Variants in GUCD1 observed in about 807,000 individuals in gnomAD.
GUCD1 encodes protein GUCD1.
A neutral mutation model predicts 28.3 loss-of-function variants in GUCD1; 17 were observed. The observed-to-expected ratio is 0.60, with a 90% CI of 0.41 to 0.90. GUCD1 has a LOEUF of 0.90. GUCD1 is among the 40% of genes least tolerant of loss of function. GUCD1 has a pLI of 0.00. For synonymous variants in GUCD1, 129 were observed against 123.3 expected (o/e 1.05, Z -0.30); for missense variants, 279 against 305.5 (o/e 0.91, Z 0.65).
chr22:24,547,844 G>A, intron 3 of GUCD1, 64 bp downstream of exon 3: 1 of 1,555,072 alleles, frequency 6.4e-7, no homozygotes, highest in Non-Finnish European at 8.8e-7. Context: ...CCAACTACTG[G>A]AACCAGGTGG....
chr22:24,547,822 C>A, intron 3 of GUCD1, 86 bp downstream of exon 3: 1 of 1,430,430 alleles, frequency 7.0e-7, no homozygotes, highest in African/African-American at 1.4e-5. Flanking sequence ...TAGCCCTTGA[C>A]TGTTCCCTCT....
At chr22:24,543,150 T>G in intron 5 of GUCD1, 53 bp from the exon 6 acceptor site, 1 of 1,268,886 alleles carries the variant, frequency 7.9e-7, no homozygotes, top group Non-Finnish European at 1.2e-6. Context: ...AGAGAGCACC[T>G]ACACCACCGA....
chr22:24,544,101 G>T lies in GUCD1; in HGVS notation c.387-18C>A. 4 of 1,595,176 alleles carry T rather than the reference G, an allele frequency of 2.5e-6. No homozygotes were observed. Among genetic ancestry groups the T allele is most frequent in the Non-Finnish European group, 3.4e-6 (4 of 1,164,858 alleles). ...TCACTGTGCTGTGGGCGGGAGGGGGGTCAGCTGGTGCTGCTGGGCCCCCAT... is the reference window on the plus strand; with the variant it reads ...TCACTGTGCTGTGGGCGGGAGGGGGTTCAGCTGGTGCTGCTGGGCCCCCAT... On this transcript the variant is annotated intron_variant, in intron 4 of 5. Coordinates refer to ENST00000435822, the MANE Select transcript of GUCD1 (RefSeq NM_001284254.2).
rs1203448376 is a variant in GUCD1, at chr22:24,541,587, C to G, written c.*1419G>C. ...GAGGTTGTAGTAAGCCAAGATCGTG[C>G]CACTGCACTCCAGTCTGGGCAACAG... is the stretch of plus-strand genomic sequence containing the variant. On this transcript the variant is annotated 3_prime_UTR_variant, in exon 6 of 6. Coordinates refer to ENST00000435822, the MANE Select transcript of GUCD1 (RefSeq NM_001284254.2). The G allele has an allele frequency of 6.6e-6, 1 of 151,480 alleles. No homozygotes were observed. Among genetic ancestry groups the G allele is most frequent in the African/African-American group, 2.4e-5 (1 of 41,178 alleles). 9.4% of individuals were successfully genotyped at this position (151,480 alleles called of 1,614,324 possible).
At position 24,547,997 on chromosome 22, in the gene GUCD1, T is replaced by C; in HGVS notation, c.205A>G (p.Ile69Val). 1 of 1,614,154 alleles carries C rather than the reference T, an allele frequency of 6.2e-7. No homozygotes were observed. The highest frequency in any genetic ancestry group is 8.5e-7 in the Non-Finnish European group (1 of 1,179,992). Residue 69 changes from isoleucine (I) to valine (V), a missense_variant, in exon 3 of 6, where the codon ATC becomes GTC. Coordinates refer to ENST00000435822, the MANE Select transcript of GUCD1 (RefSeq NM_001284254.2). ...TGGTGCATCAGGTAGGCCAGGTCGA[T>C]GGTCCAGATGCTCCTGGTCAGCTGC... ...KLQLTRSIWTIDLAYLMHHFG... is the reference protein window; with the variant it reads ...KLQLTRSIWTVDLAYLMHHFG...
At chr22:24,546,783 C>T in intron 4 of GUCD1, 131 bp downstream of exon 4, 1 of 775,136 alleles carries the variant, frequency 1.3e-6, no homozygotes, top group African/African-American at 1.7e-5. Context: ...CCCACAGCCA[C>T]CCGGGTAGCC....
At chr22:24,545,823 CCTCG>C (rs2044711044) in intron 4 of GUCD1, among the ~76,000 whole-genome samples, 1 of 151,836 alleles carries the variant, frequency 6.6e-6, no homozygotes, top group Admixed American at 6.6e-5. Flanking sequence ...GATCTCCTAA[CCTCG>C]TGATCCGCCC....
At chr22:24,545,031 A>G (rs531263349) in intron 4 of GUCD1, among the ~76,000 whole-genome samples, 2 of 151,482 alleles carry the variant, frequency 1.3e-5, no homozygotes, top group African/African-American at 4.9e-5. Context: ...CTTAAAAAAA[A>G]AAAAAAGAAA....
chr22:24,547,642 A>T (rs1357019641), intron 3 of GUCD1: 2 of 444,842 alleles, frequency 4.5e-6, no homozygotes, highest in African/African-American at 2.0e-5. Context: ...GCCTCTGCAC[A>T]TTCTGAGGGC....
intron 1 of GUCD1, among the ~76,000 whole-genome samples, chr22:24,550,950 G>C (rs1213147471): frequency 2.6e-5 from 4 of 152,156 alleles, no homozygotes; most frequent in Non-Finnish European, 4.4e-5. Flanking sequence ...ACGTTCCCAA[G>C]AGGCAGGGAC....
Position 24,550,792 on chromosome 22 carries a change from G to C in GUCD1, c.44-1791C>G, listed in dbSNP as rs547427673. On this transcript the variant is annotated intron_variant, in intron 1 of 5. Coordinates refer to ENST00000435822, the MANE Select transcript of GUCD1 (RefSeq NM_001284254.2). ...GACCTTCCCCAGCCTTCAAGGCCTG[G>C]CTCAGAGGCCATTTCCAGGGCCTTC... 2.8e-5 allele frequency among the ~76,000 whole-genome samples: 4 copies of C among 141,718 alleles called. No individual in the cohort carries two copies. In the South Asian group the frequency reaches 9.0e-4, roughly 32 times the overall value. 93.0% of individuals were successfully genotyped at this position (141,718 alleles called of 152,430 possible).
In GUCD1 at chr22:24,540,789, C is replaced by T. The variant is rs1400612410; in HGVS notation, c.*2217G>A. ...CTCATTCATCTTTCAGGAAGGTGAC[C>T]TTTAACTTGTGGCATGCCCTGAGAA... On this transcript the variant is annotated 3_prime_UTR_variant, in exon 6 of 6. Transcript: ENST00000435822. 1 of 153,986 alleles carries T rather than the reference C, an allele frequency of 6.5e-6. No homozygotes were observed. The highest frequency in any genetic ancestry group is 2.4e-5 in the African/African-American group (1 of 41,486). The allele number at this position is 153,986 out of a possible 1,614,324, so 9.5% of individuals were successfully genotyped here. A position where few individuals can be genotyped will look rare whatever the true frequency, so the allele number is the denominator to read the frequency against.
At chr22:24,544,808 T>TA (rs1435746055) in intron 4 of GUCD1, among the ~76,000 whole-genome samples, 1 of 152,064 alleles carries the variant, frequency 6.6e-6, no homozygotes, top group Non-Finnish European at 1.5e-5. Context: ...GACTAGGAAT[T>TA]AGAGACCAGC....
chr22:24,543,407 A>G (rs897210910), intron 5 of GUCD1, among the ~76,000 whole-genome samples: 1 of 152,180 alleles, frequency 6.6e-6, no homozygotes, highest in African/African-American at 2.4e-5. Context: ...AATCCAGTCT[A>G]TGAGAGTCAG....
At chr22:24,545,417 C>G (rs939063626) in intron 4 of GUCD1, among the ~76,000 whole-genome samples, 1 of 152,020 alleles carries the variant, frequency 6.6e-6, no homozygotes, top group Admixed American at 6.6e-5. Context: ...CATGGCATGG[C>G]CAAGATGCTG....
chr22:24,548,160 G>A (rs1408795732), intron 2 of GUCD1, 87 bp from the exon 3 acceptor site: 8 of 1,127,598 alleles, frequency 7.1e-6, no homozygotes, highest in East Asian at 2.4e-5. Flanking sequence ...CAAGAGCCCC[G>A]TCACAGGTCC....
rs556283469 is a variant in GUCD1, at chr22:24,548,910, C to T, written c.128+7G>A. 2.0e-5 allele frequency: 31 copies of T among 1,566,046 alleles called. 1 individual carries two copies. The South Asian group carries it at 3.5e-4, about 18-fold the overall frequency. On this transcript the variant is annotated splice_region_variant and intron_variant, in intron 2 of 5. Coordinates refer to ENST00000435822, the MANE Select transcript of GUCD1 (RefSeq NM_001284254.2). ...GCACCTGGGCCCCCAGCCCTGGCCCCACTCACCGCAGCACCATCCTGGAGC... is the reference window on the plus strand; with the variant it reads ...GCACCTGGGCCCCCAGCCCTGGCCCTACTCACCGCAGCACCATCCTGGAGC...
chr22:24,546,509 G>A (rs1320832948), intron 4 of GUCD1, among the ~76,000 whole-genome samples: 4 of 152,180 alleles, frequency 2.6e-5, no homozygotes. Context: ...TAAGGTCACA[G>A]CAGCCCTTAC....
At chr22:24,555,400 A>C (rs1489748800), upstream of GUCD1, 1 of 1,242,868 alleles carries the variant, frequency 8.0e-7, no homozygotes, top group Admixed American at 2.9e-5. Flanking sequence ...CATTTCCTGA[A>C]TAGAGGCTCG....
Sources: allele counts gnomAD v4.1 joint callset (sites outside exome capture counted in the v4.1 genomes callset), GRCh38; gene constraint gnomAD v4.1.1; transcripts MANE v1.5; gene names NCBI Gene and HGNC (gene_info 2026-07-23, HGNC 2026-07-21).